The following PDSS2 variants were observed in gnomAD, a reference collection of about 807,000 sequenced individuals.
PDSS2 encodes all trans-polyprenyl-diphosphate synthase PDSS2.
PDSS2 carries 31 observed loss-of-function variants against 44.5 expected under a neutral mutation model. The observed-to-expected ratio is 0.70, with a 90% CI of 0.52 to 0.94. PDSS2 has a LOEUF of 0.94. Among genes scored for constraint, PDSS2 ranks in the 40% least tolerant of loss-of-function variants. The pLI, the probability that PDSS2 is intolerant of heterozygous loss-of-function variation, is 0.00. For missense variants in PDSS2, 452 were observed against 482.2 expected (o/e 0.94, Z 0.59); for synonymous variants, 157 against 180.3 (o/e 0.87, Z 1.03).
At chr6:107,291,807 G>T (rs1776358781) in intron 2 of PDSS2, among the ~76,000 whole-genome samples, 1 of 151,850 alleles carries the variant, frequency 6.6e-6, no homozygotes, top group Admixed American at 6.6e-5. Context: ...GAGCCCAGGA[G>T]TTTTGAGACC....
At chr6:107,309,225 T>C (rs774493580) in intron 2 of PDSS2, among the ~76,000 whole-genome samples, 1 of 152,204 alleles carries the variant, frequency 6.6e-6, no homozygotes, top group South Asian at 2.1e-4. Context: ...ACTTCCTAAT[T>C]TCACCTGCAC....
chr6:107,424,034 A>ATAAT (rs1216048589), intron 1 of PDSS2, among the ~76,000 whole-genome samples: 2 of 45,342 alleles, frequency 4.4e-5, no homozygotes, highest in Admixed American at 3.2e-4. Context: ...TTTATCTTGC[A>ATAAT]TCTTTTTTTT....
chr6:107,354,702 C>A (rs1327237729), intron 1 of PDSS2, among the ~76,000 whole-genome samples: 34 of 152,184 alleles, frequency 2.2e-4, no homozygotes, highest in Admixed American at 2.2e-3. Flanking sequence ...AACTGGCAGT[C>A]TTTTTCACAG....
At chr6:107,184,532 G>A (rs1469195989) in intron 7 of PDSS2, among the ~76,000 whole-genome samples, 1 of 152,214 alleles carries the variant, frequency 6.6e-6, no homozygotes, top group Non-Finnish European at 1.5e-5. Flanking sequence ...TCATGCAAAT[G>A]CAAATGTCTG....
At chr6:107,329,949 C>T (rs942669821) in intron 2 of PDSS2, among the ~76,000 whole-genome samples, 4 of 147,606 alleles carry the variant, frequency 2.7e-5, no homozygotes, top group Admixed American at 6.9e-5. Flanking sequence ...TTCAGTGAGC[C>T]GAGACTGCAT....
Position 107,153,389 on chromosome 6 carries a change from GT to G in PDSS2, c.*1229del, listed in dbSNP as rs1256062426. 1.3e-5 allele frequency: 2 copies of G among 152,552 alleles called. No homozygotes were observed. Among genetic ancestry groups the G allele is most frequent in the Non-Finnish European group, 2.9e-5 (2 of 68,036 alleles). The allele number at this position is 152,552 out of a possible 1,614,324, so 9.4% of individuals were successfully genotyped here. On this transcript the variant is annotated 3_prime_UTR_variant, in exon 8 of 8. Transcript: ENST00000369037. Reference sequence around the variant, plus strand: ...CTGTGAGATTGCTTATATTCTTTCTGTAATTGGATGTCTGTGGTTCAAGACC... The same window carrying G: ...CTGTGAGATTGCTTATATTCTTTCTGAATTGGATGTCTGTGGTTCAAGACC...
intron 1 of PDSS2, among the ~76,000 whole-genome samples, chr6:107,384,506 T>C (rs1779550553): frequency 6.6e-6 from 1 of 152,022 alleles, no homozygotes; most frequent in Non-Finnish European, 1.5e-5. Context: ...CAGGGCATGG[T>C]GGCGGGCGCC....
chr6:107,393,863 T>C (rs1779858771), intron 1 of PDSS2, among the ~76,000 whole-genome samples: 1 of 152,222 alleles, frequency 6.6e-6, no homozygotes, highest in African/African-American at 2.4e-5. Flanking sequence ...TTCTTTGCTC[T>C]GAAGTCTGCT....
intron 1 of PDSS2, among the ~76,000 whole-genome samples, chr6:107,357,601 C>T (rs549464386): frequency 2.0e-5 from 3 of 152,142 alleles, no homozygotes; most frequent in South Asian, 2.1e-4. Flanking sequence ...AATAATGACA[C>T]AAACATGCAT....
intron 2 of PDSS2, among the ~76,000 whole-genome samples, chr6:107,292,800 T>C (rs1562440935): frequency 6.6e-6 from 1 of 152,162 alleles, no homozygotes; most frequent in Non-Finnish European, 1.5e-5. Context: ...AATAATAATC[T>C]CTGGTTTCTA....
chr6:107,286,988 C>T (rs368230584), intron 2 of PDSS2, among the ~76,000 whole-genome samples: 4 of 151,740 alleles, frequency 2.6e-5, no homozygotes, highest in Admixed American at 6.6e-5. Flanking sequence ...TGCAGTGAGC[C>T]GAGATTGTGC....
chr6:107,403,014 T>C (rs1237118187), intron 1 of PDSS2, among the ~76,000 whole-genome samples: 1 of 152,118 alleles, frequency 6.6e-6, no homozygotes, highest in African/African-American at 2.4e-5. Flanking sequence ...ACTTAGCTCA[T>C]TACAGCATTA....
intron 3 of PDSS2, among the ~76,000 whole-genome samples, chr6:107,261,092 G>A (rs1012447364): frequency 6.6e-6 from 1 of 152,220 alleles, no homozygotes; most frequent in African/African-American, 2.4e-5. Flanking sequence ...AACTTTCTGA[G>A]TTAGGAGTTT....
At chr6:107,327,488 G>A (rs939060863) in intron 2 of PDSS2, among the ~76,000 whole-genome samples, 7 of 152,168 alleles carry the variant, frequency 4.6e-5, no homozygotes, top group Admixed American at 6.5e-5. Flanking sequence ...AATTTCCCTG[G>A]ACAGGGCCAG....
At chr6:107,205,621 A>T (rs1772946321) in intron 6 of PDSS2, among the ~76,000 whole-genome samples, 1 of 152,176 alleles carries the variant, frequency 6.6e-6, no homozygotes, top group Non-Finnish European at 1.5e-5. Context: ...AGAATTTAGT[A>T]TGGAGAAAAT....
At chr6:107,442,029 T>C (rs1479400463) in intron 1 of PDSS2, among the ~76,000 whole-genome samples, 1 of 152,176 alleles carries the variant, frequency 6.6e-6, no homozygotes, top group Non-Finnish European at 1.5e-5. Flanking sequence ...CTAGAGAAAC[T>C]GTCTGTAAAT....
At chr6:107,261,348 G>A (rs184828941) in intron 3 of PDSS2, among the ~76,000 whole-genome samples, 1 of 152,278 alleles carries the variant, frequency 6.6e-6, no homozygotes, top group Non-Finnish European at 1.5e-5. Context: ...GAGGTCTTGG[G>A]AGATCTGGTA....
chr6:107,340,506 C>T (rs1207429668), intron 1 of PDSS2, among the ~76,000 whole-genome samples: 1 of 152,156 alleles, frequency 6.6e-6, no homozygotes, highest in Admixed American at 6.5e-5. Flanking sequence ...TTCTATTTAT[C>T]CTCTTAAATT....
At chr6:107,438,757 A>G (rs924310936) in intron 1 of PDSS2, among the ~76,000 whole-genome samples, 1 of 152,188 alleles carries the variant, frequency 6.6e-6, no homozygotes, top group African/African-American at 2.4e-5. Context: ...ATTATTACAT[A>G]CTGGCTTTGA....
Sources: gnomAD v4.1 joint callset for allele counts (sites outside exome capture counted in the v4.1 genomes callset) on GRCh38, gnomAD v4.1.1 for gene constraint, MANE v1.5 for transcripts, NCBI Gene and HGNC (gene_info 2026-07-23, HGNC 2026-07-21) for gene names.